Variants in CYS1 observed in about 807,000 individuals in gnomAD.
The protein encoded by CYS1 is cystin-1.
In CYS1, 5 loss-of-function variants were observed where a neutral mutation model predicts 9.6. The ratio of observed to expected loss-of-function variants is 0.52; its 90% CI spans 0.27 to 1.10. The LOEUF (loss-of-function observed/expected upper bound fraction) is 1.10, where lower values mean the gene tolerates loss of function less well. Ranked by LOEUF, CYS1 falls within the 50% of genes least tolerant of loss-of-function variation. The pLI, the probability that CYS1 is intolerant of heterozygous loss-of-function variation, is 0.11. For synonymous variants in CYS1, 88 were observed against 95.7 expected, an observed-to-expected ratio of 0.92 and a Z score of 0.47; for missense variants, 221 against 207.9, an observed-to-expected ratio of 1.06 and a Z score of -0.39.
chr2:10,076,916 T>G lies in CYS1; in HGVS notation c.318+2990A>C, dbSNP rs1661852014. Reference sequence around the variant, plus strand: ...TGAATGCCAAACTCTTACAAAGATCTACTCACTTGACATTTCTGTTTGGAT... The same window carrying G: ...TGAATGCCAAACTCTTACAAAGATCGACTCACTTGACATTTCTGTTTGGAT... On this transcript the variant is annotated intron_variant, in intron 1 of 2. Coordinates refer to ENST00000381813, the MANE Select transcript of CYS1 (RefSeq NM_001037160.3). This position sits in a 1 kb window ranked among gnomAD's most constrained non-coding sequence, Gnocchi z 4.3. Among the ~76,000 whole-genome samples the G allele has an allele frequency of 6.6e-6, 1 of 152,188 alleles. No individual in the cohort carries two copies. Among genetic ancestry groups the G allele is most frequent in the African/African-American group, 2.4e-5 (1 of 41,452 alleles).
chr2:10,056,978 A>T lies in CYS1; in HGVS notation c.*1875T>A, dbSNP rs1293320248. 6.6e-6 allele frequency: 1 copy of T among 152,150 alleles called. No individual in the cohort carries two copies. Among genetic ancestry groups the T allele is most frequent in the Non-Finnish European group, 1.5e-5 (1 of 68,018 alleles). The allele number at this position is 152,150 out of a possible 1,614,324, so 9.4% of individuals were successfully genotyped here. A position where few individuals can be genotyped will look rare whatever the true frequency, so the allele number is the denominator to read the frequency against. On this transcript the variant is annotated 3_prime_UTR_variant, in exon 3 of 3. Transcript: ENST00000381813. Reference sequence around the variant, plus strand: ...ATGAAGTGCATTTACTTTGACATTGATATAGCTTGTAACTACTTTTGGAAT... The same window carrying T: ...ATGAAGTGCATTTACTTTGACATTGTTATAGCTTGTAACTACTTTTGGAAT...
Position 10,058,656 on chromosome 2 carries a change from C to T in CYS1, c.*197G>A, listed in dbSNP as rs1661583144. ...CCTGTGGGTCTACACAGCTAATCGC[C>T]CCCACCAGCAACCATGACCGCCAGT... On this transcript the variant is annotated 3_prime_UTR_variant, in exon 3 of 3. Coordinates refer to ENST00000381813, the MANE Select transcript of CYS1 (RefSeq NM_001037160.3). The T allele has an allele frequency of 3.8e-6, 2 of 529,318 alleles. No homozygotes were observed. Among genetic ancestry groups the T allele is most frequent in the South Asian group, 2.9e-5 (1 of 34,954 alleles). The allele number at this position is 529,318 out of a possible 1,614,324, so 32.8% of individuals were successfully genotyped here.
At position 10,058,489 on chromosome 2, in the gene CYS1, G is replaced by A. The variant is rs1249305710; in HGVS notation, c.*364C>T. The A allele has an allele frequency of 4.4e-5, 9 of 202,446 alleles. No homozygotes were observed. Among genetic ancestry groups the A allele is most frequent in the Non-Finnish European group, 6.0e-5 (6 of 99,742 alleles). 12.5% of individuals were successfully genotyped at this position (202,446 alleles called of 1,614,324 possible). Reference sequence around the variant, plus strand: ...TGTTGTGGCGCGGATGCCAGGAGGGGCTCGCTTGTGTCACCTAGTCCTCGT... The same window carrying A: ...TGTTGTGGCGCGGATGCCAGGAGGGACTCGCTTGTGTCACCTAGTCCTCGT... On this transcript the variant is annotated 3_prime_UTR_variant, in exon 3 of 3. Coordinates refer to ENST00000381813, the MANE Select transcript of CYS1 (RefSeq NM_001037160.3).
Position 10,058,849 on chromosome 2 carries a change from G to A in CYS1, c.*4C>T. The A allele has an allele frequency of 6.4e-7, 1 of 1,565,778 alleles. No homozygotes were observed. Among genetic ancestry groups the A allele is most frequent in the African/African-American group, 1.4e-5 (1 of 74,032 alleles). On this transcript the variant is annotated 3_prime_UTR_variant, in exon 3 of 3. Coordinates refer to ENST00000381813, the MANE Select transcript of CYS1 (RefSeq NM_001037160.3). ...AGGCCTGGCGGGGGTGGAGCATGCT[G>A]TCCTCAGCGGCAGTACTCCCGCTCG...
intron 1 of CYS1, among the ~76,000 whole-genome samples, chr2:10,074,773 T>C (rs2125291678): frequency 6.6e-6 from 1 of 152,354 alleles, no homozygotes; most frequent in East Asian, 1.9e-4. Context: ...GTTTCTGCTC[T>C]CCGACATCAC....
chr2:10,079,429 G>A (rs1572463408), intron 1 of CYS1, among the ~76,000 whole-genome samples: 1 of 152,352 alleles, frequency 6.6e-6, no homozygotes, highest in Non-Finnish European at 1.5e-5. Flanking sequence ...AGTATTCAGG[G>A]AGAGAGAATA....
At chr2:10,070,603 C>T (rs190828605) in intron 1 of CYS1, among the ~76,000 whole-genome samples, 37 of 152,104 alleles carry the variant, frequency 2.4e-4, no homozygotes, top group Non-Finnish European at 4.7e-4. Flanking sequence ...GCTTCAGCCT[C>T]CCAAAGTGCT....
At chr2:10,071,164 A>G (rs984653522) in intron 1 of CYS1, among the ~76,000 whole-genome samples, 1 of 152,010 alleles carries the variant, frequency 6.6e-6, no homozygotes, top group African/African-American at 2.4e-5. Context: ...ACGGGGTTTC[A>G]CTATGTTGGC....
Position 10,065,924 on chromosome 2 carries a change from C to A in CYS1, c.351G>T (p.Pro117=). The change falls in exon 2 of 3, where the codon CCG becomes CCT. Residue 117 remains proline, a synonymous_variant. Coordinates refer to ENST00000381813, the MANE Select transcript of CYS1 (RefSeq NM_001037160.3). ...VCAEQSTEGH[P]GSGNVSEAPG... ...CTTACTCAGAGACATTGCCGCTCCC[C>A]GGGTGGCCCTCTGTGCTCTGCTCTG... The A allele has an allele frequency of 6.2e-7, 1 of 1,614,186 alleles. No homozygotes were observed. The highest frequency in any genetic ancestry group is 8.5e-7 in the Non-Finnish European group (1 of 1,180,030).
At chr2:10,075,657 C>T (rs1661832629) in intron 1 of CYS1, among the ~76,000 whole-genome samples, 1 of 152,170 alleles carries the variant, frequency 6.6e-6, no homozygotes, top group Admixed American at 6.5e-5. Context: ...ACTGTAAAGT[C>T]CTGGCTGGGG....
intron 1 of CYS1, among the ~76,000 whole-genome samples, chr2:10,075,678 GA>G (rs1207675801): frequency 1.3e-5 from 2 of 152,200 alleles, no homozygotes; most frequent in Non-Finnish European, 2.9e-5. Context: ...TAACAGGCAA[GA>G]AAGAATTATC....
chr2:10,063,617 A>G lies in CYS1; in HGVS notation c.371+2287T>C, dbSNP rs1449798317. Among the ~76,000 whole-genome samples the G allele has an allele frequency of 6.6e-6, 1 of 152,160 alleles. No individual in the cohort carries two copies. Among genetic ancestry groups the G allele is most frequent in the Non-Finnish European group, 1.5e-5 (1 of 68,026 alleles). Reference sequence around the variant, plus strand: ...GACCCTGCCTGGGAGGGTGAGGGTGACACTGGAGGGAGGAGATTGAAGGGC... The same window carrying G: ...GACCCTGCCTGGGAGGGTGAGGGTGGCACTGGAGGGAGGAGATTGAAGGGC... On this transcript the variant is annotated intron_variant, in intron 2 of 2. Transcript: ENST00000381813. The surrounding 1 kb of genome is among the most constrained non-coding windows in gnomAD (Gnocchi z 4.2).
Position 10,056,975 on chromosome 2 carries a change from T to G in CYS1, c.*1878A>C, listed in dbSNP as rs541109213. ...TTGATGAAGTGCATTTACTTTGACA[T>G]TGATATAGCTTGTAACTACTTTTGG... On this transcript the variant is annotated 3_prime_UTR_variant, in exon 3 of 3. Coordinates refer to ENST00000381813, the MANE Select transcript of CYS1 (RefSeq NM_001037160.3). 2 of 152,350 alleles carry G rather than the reference T, an allele frequency of 1.3e-5. No homozygotes were observed. Among genetic ancestry groups the G allele is most frequent in the African/African-American group, 4.8e-5 (2 of 41,590 alleles). The allele number at this position is 152,350 out of a possible 1,614,324, so 9.4% of individuals were successfully genotyped here.
In CYS1 at chr2:10,057,033, AG is replaced by A. The variant is rs1661560581; in HGVS notation, c.*1819del. On this transcript the variant is annotated 3_prime_UTR_variant, in exon 3 of 3. Transcript: ENST00000381813. ...TTCCCCTAACACTTTGATCTCATTA[AG>A]GGTATTACACCTTTTCCACCAGAAA... 1 of 152,226 alleles carries A rather than the reference AG, an allele frequency of 6.6e-6. No individual in the cohort carries two copies. Among genetic ancestry groups the A allele is most frequent in the South Asian group, 2.1e-4 (1 of 4,838 alleles). 9.4% of individuals were successfully genotyped at this position (152,226 alleles called of 1,614,324 possible).
chr2:10,061,124 CAGG>C (rs772052455), intron 2 of CYS1, among the ~76,000 whole-genome samples: 2 of 152,124 alleles, frequency 1.3e-5, no homozygotes, highest in African/African-American at 2.4e-5. Context: ...CCCAGCTACT[CAGG>C]AGGCTGAGGC....
intron 2 of CYS1, among the ~76,000 whole-genome samples, chr2:10,064,172 G>A (rs1008013456): frequency 6.6e-5 from 10 of 152,038 alleles, no homozygotes; most frequent in East Asian, 1.9e-4. Flanking sequence ...GCGGTGAGCC[G>A]AGATCGTACC....
At chr2:10,075,472 A>G (rs1486811239) in intron 1 of CYS1, among the ~76,000 whole-genome samples, 25 of 152,258 alleles carry the variant, frequency 1.6e-4, no homozygotes, top group Admixed American at 1.1e-3. Flanking sequence ...TCTTTGCTAC[A>G]GACTTGAACG....
intron 1 of CYS1, among the ~76,000 whole-genome samples, chr2:10,072,582 T>A (rs569116036): frequency 1.3e-5 from 2 of 152,338 alleles, no homozygotes; most frequent in African/African-American, 4.8e-5. Context: ...TGGATACACT[T>A]CCCCCTTCCT....
chr2:10,056,880 A>C lies in CYS1; in HGVS notation c.*1973T>G, dbSNP rs1374037869. 6.6e-6 allele frequency: 1 copy of C among 152,272 alleles called. No homozygotes were observed. Among genetic ancestry groups the C allele is most frequent in the Non-Finnish European group, 1.5e-5 (1 of 68,050 alleles). The allele number at this position is 152,272 out of a possible 1,614,324, so 9.4% of individuals were successfully genotyped here. ...CGCTTTATTTGGCTAGCTGCTATTCAGAAGACACTTCCTGAATTCAGGAAA... is the reference window on the plus strand; with the variant it reads ...CGCTTTATTTGGCTAGCTGCTATTCCGAAGACACTTCCTGAATTCAGGAAA... On this transcript the variant is annotated 3_prime_UTR_variant, in exon 3 of 3. Transcript: ENST00000381813.
Sources: allele counts gnomAD v4.1 joint callset (sites outside exome capture counted in the v4.1 genomes callset), GRCh38; gene constraint gnomAD v4.1.1; non-coding constraint Gnocchi (gnomAD v3.1); transcripts MANE v1.5; gene names NCBI Gene and HGNC (gene_info 2026-07-23, HGNC 2026-07-21).